Variants in FHIT observed in about 807,000 individuals in gnomAD.
The protein encoded by FHIT is bis(5'-adenosyl)-triphosphatase.
In FHIT, 19 loss-of-function variants were observed where a neutral mutation model predicts 17.9. That is an observed-to-expected ratio of 1.06 (90% confidence interval 0.74 to 1.56). The LOEUF (loss-of-function observed/expected upper bound fraction) is 1.56, where lower values mean the gene tolerates loss of function less well. Among genes scored for constraint, FHIT ranks in the 40% most tolerant of loss-of-function variants. The pLI is 0.00. For missense variants in FHIT, 248 were observed against 189.2 expected (o/e 1.31, Z -1.82); for synonymous variants, 81 against 69.7 (o/e 1.16, Z -0.81).
intron 2 of FHIT, among the ~76,000 whole-genome samples, chr3:61,101,187 G>C (rs2035810100): frequency 6.6e-6 from 1 of 152,164 alleles, no homozygotes; most frequent in Non-Finnish European, 1.5e-5. Context: ...GGTTTTTATG[G>C]TTTTAGGTCT....
rs183707189 is a variant in FHIT, at chr3:61,044,689, C to T, written c.-163-2590G>A. Among the ~76,000 whole-genome samples, 96 of 152,214 alleles carry T rather than the reference C, an allele frequency of 6.3e-4. 1 individual carries two copies. The highest frequency in any genetic ancestry group is 3.4e-3 in the Middle Eastern group (1 of 294). ...CCAAGACACATAATTGTCAGATTCA[C>T]CAAAGTTGAAATGAAGGAAAAAATA... On this transcript the variant is annotated intron_variant, in intron 2 of 9. Coordinates refer to ENST00000492590, the MANE Select transcript of FHIT (RefSeq NM_002012.4).
At chr3:60,493,736 A>G (rs1213342916) in intron 5 of FHIT, among the ~76,000 whole-genome samples, 1 of 152,236 alleles carries the variant, frequency 6.6e-6, no homozygotes, top group Non-Finnish European at 1.5e-5. Context: ...CAATATTTGG[A>G]ATATTCAAAC....
chr3:61,210,407 G>A (rs1401586223), intron 1 of FHIT, among the ~76,000 whole-genome samples: 1 of 152,246 alleles, frequency 6.6e-6, no homozygotes, highest in Admixed American at 6.5e-5. Context: ...CCCAGAGGTG[G>A]AGCCTACAGA....
chr3:60,077,686 T>TCACACACACACA (rs35531886), intron 5 of FHIT, among the ~76,000 whole-genome samples: 3 of 110,364 alleles, frequency 2.7e-5, no homozygotes, highest in South Asian at 7.5e-4. Context: ...CGATTTTACT[T>TCACACACACACA]CACACACACA....
intron 5 of FHIT, among the ~76,000 whole-genome samples, chr3:60,184,337 T>C (rs770809442): frequency 2.6e-4 from 40 of 152,248 alleles, no homozygotes; most frequent in Middle Eastern, 3.4e-3. Flanking sequence ...CAAGATACCA[T>C]ATTAACATAA....
intron 2 of FHIT, among the ~76,000 whole-genome samples, chr3:61,101,452 G>C (rs1315035076): frequency 6.6e-6 from 1 of 152,124 alleles, no homozygotes; most frequent in Non-Finnish European, 1.5e-5. Flanking sequence ...GTGATGTTTT[G>C]GTTACTGCAG....
chr3:61,133,777 AG>A (rs1430491138), intron 2 of FHIT, among the ~76,000 whole-genome samples: 2 of 152,064 alleles, frequency 1.3e-5, no homozygotes, highest in East Asian at 3.9e-4. Flanking sequence ...CAACCATGAG[AG>A]GGTTGTATTT....
intron 5 of FHIT, among the ~76,000 whole-genome samples, chr3:60,391,192 C>A (rs918048461): frequency 1.5e-3 from 137 of 93,140 alleles, no homozygotes; most frequent in Non-Finnish European, 2.4e-3. Flanking sequence ...TCTGACAAAA[C>A]AAAACAAAAA....
intron 4 of FHIT, among the ~76,000 whole-genome samples, chr3:60,600,192 A>G (rs1246613663): frequency 6.6e-6 from 1 of 152,148 alleles, no homozygotes; most frequent in Non-Finnish European, 1.5e-5. Flanking sequence ...TGCTAAAGGC[A>G]CCAATGATCA....
intron 2 of FHIT, among the ~76,000 whole-genome samples, chr3:61,187,335 G>A (rs751384106): frequency 2.0e-5 from 3 of 152,132 alleles, no homozygotes; most frequent in African/African-American, 4.8e-5. Flanking sequence ...TGACAAAGAA[G>A]GCCATTACAC....
intron 5 of FHIT, among the ~76,000 whole-genome samples, chr3:60,473,896 C>T (rs2107455375): frequency 6.6e-6 from 1 of 151,330 alleles, no homozygotes. Flanking sequence ...GCACTCTGGC[C>T]TGGGTGACAG....
At chr3:60,098,874 T>G (rs967632148) in intron 5 of FHIT, among the ~76,000 whole-genome samples, 4 of 152,212 alleles carry the variant, frequency 2.6e-5, no homozygotes, top group Non-Finnish European at 4.4e-5. Flanking sequence ...ATGTAGACTT[T>G]TGACTGCCTG....
chr3:60,324,943 A>G (rs1709616862), intron 5 of FHIT, among the ~76,000 whole-genome samples: 1 of 152,146 alleles, frequency 6.6e-6, no homozygotes, highest in Non-Finnish European at 1.5e-5. Flanking sequence ...AATAATGACT[A>G]AAGTAATTCA....
At chr3:60,351,571 A>T (rs1296894090) in intron 5 of FHIT, among the ~76,000 whole-genome samples, 1 of 152,202 alleles carries the variant, frequency 6.6e-6, no homozygotes, top group Non-Finnish European at 1.5e-5. Flanking sequence ...GCATCATAAA[A>T]ATTTGCTATC....
At chr3:60,578,809 T>C (rs1318923550) in intron 4 of FHIT, among the ~76,000 whole-genome samples, 4 of 152,154 alleles carry the variant, frequency 2.6e-5, no homozygotes, top group African/African-American at 4.8e-5. Flanking sequence ...AAAATTAGTG[T>C]ATATGTGCCT....
chr3:61,210,567 C>CA (rs2039429075), intron 1 of FHIT, among the ~76,000 whole-genome samples: 1 of 152,210 alleles, frequency 6.6e-6, no homozygotes. Context: ...GCTGTGCTAG[C>CA]AATGAGTGAG....
intron 5 of FHIT, among the ~76,000 whole-genome samples, chr3:60,104,429 A>G (rs1210237435): frequency 6.6e-6 from 1 of 152,180 alleles, no homozygotes; most frequent in Non-Finnish European, 1.5e-5. Context: ...CAGAATAGCA[A>G]AAAGCTGACT....
intron 5 of FHIT, among the ~76,000 whole-genome samples, chr3:60,414,575 G>A (rs1206486932): frequency 6.6e-6 from 1 of 152,098 alleles, no homozygotes; most frequent in East Asian, 1.9e-4. Context: ...ATTTATCAAG[G>A]AATACAAAGA....
intron 5 of FHIT, among the ~76,000 whole-genome samples, chr3:60,023,602 A>T (rs954158711): frequency 6.6e-6 from 1 of 152,224 alleles, no homozygotes; most frequent in African/African-American, 2.4e-5. Flanking sequence ...CACAGTTCAG[A>T]TGCCATCTGA....
Sources: gnomAD v4.1 joint callset for allele counts (sites outside exome capture counted in the v4.1 genomes callset) on GRCh38, gnomAD v4.1.1 for gene constraint, MANE v1.5 for transcripts, NCBI Gene and HGNC (gene_info 2026-07-23, HGNC 2026-07-21) for gene names.